The following EXOC6 variants were observed in gnomAD, a reference collection of about 807,000 sequenced individuals.
The protein encoded by EXOC6 is SEC15-like 1.
In EXOC6, 60 loss-of-function variants were observed where a neutral mutation model predicts 112.5. The ratio of observed to expected loss-of-function variants is 0.53; its 90% confidence interval spans 0.43 to 0.66. The LOEUF (loss-of-function observed/expected upper bound fraction) is 0.66. Among genes scored for constraint, EXOC6 ranks in the 30% least tolerant of loss-of-function variants. EXOC6 has a pLI of 0.00. For synonymous variants in EXOC6, 295 were observed against 308.0 expected (o/e 0.96, Z 0.44); for missense variants, 855 against 957.1 (o/e 0.89, Z 1.41).
intron 1 of EXOC6, among the ~76,000 whole-genome samples, chr10:92,869,847 A>G (rs930324557): frequency 2.6e-5 from 4 of 152,026 alleles, no homozygotes; most frequent in Non-Finnish European, 4.4e-5. Context: ...TAACAATCCA[A>G]TAATTGCAAT....
intron 20 of EXOC6, among the ~76,000 whole-genome samples, chr10:93,016,427 C>T (rs950034373): frequency 2.6e-5 from 4 of 152,064 alleles, no homozygotes; most frequent in Non-Finnish European, 4.4e-5. Context: ...AGGTATAAGC[C>T]ACAGCGCCCA....
At position 93,014,179 on chromosome 10, in the gene EXOC6, T is replaced by C. The variant is rs780741550; in HGVS notation, c.2096-15T>C. On this transcript the variant is annotated splice_polypyrimidine_tract_variant and intron_variant, in intron 19 of 21. Coordinates refer to ENST00000260762, the MANE Select transcript of EXOC6 (RefSeq NM_019053.6). ...TGATCTCATTTTTATTCTTTTTTTT[T>C]CTTTCTTTTAATAGTGTTTGCCAGC... 1.2e-6 allele frequency: 2 copies of C among 1,601,378 alleles called. No homozygotes were observed. The highest frequency in any genetic ancestry group is 8.5e-7 in the Non-Finnish European group (1 of 1,171,748).
At chr10:93,011,556 C>T (rs1844248622) in intron 19 of EXOC6, among the ~76,000 whole-genome samples, 1 of 151,736 alleles carries the variant, frequency 6.6e-6, no homozygotes, top group Admixed American at 6.6e-5. Flanking sequence ...GCCACCATGC[C>T]CAGCCAAAAA....
chr10:92,928,281 GTT>G (rs1851832299), intron 8 of EXOC6, 56 bp from the exon 9 acceptor site: 10 of 903,448 alleles, frequency 1.1e-5, no homozygotes, highest in Admixed American at 2.0e-5. Flanking sequence ...AGAAGTATCT[GTT>G]TTAGTTGTAT....
intron 5 of EXOC6, chr10:92,901,651 C>T (rs1589797301): frequency 2.1e-5 from 3 of 144,102 alleles, no homozygotes; most frequent in Admixed American, 1.4e-4. Context: ...GATCTGGAAG[C>T]AGCCATTCTC....
At chr10:92,870,432 G>A (rs949711918) in intron 1 of EXOC6, among the ~76,000 whole-genome samples, 2 of 152,030 alleles carry the variant, frequency 1.3e-5, no homozygotes, top group Non-Finnish European at 2.9e-5. Context: ...ATTTATTAAT[G>A]GATTTCCTAT....
chr10:93,054,711 G>T (rs1162906104), intron 20 of EXOC6, among the ~76,000 whole-genome samples: 2 of 152,138 alleles, frequency 1.3e-5, no homozygotes, highest in Non-Finnish European at 2.9e-5. Flanking sequence ...TTCCCACTTG[G>T]GGGTAAATCA....
At chr10:92,875,296 C>A (rs1848636103) in intron 1 of EXOC6, among the ~76,000 whole-genome samples, 1 of 152,096 alleles carries the variant, frequency 6.6e-6, no homozygotes, top group Non-Finnish European at 1.5e-5. Context: ...TCAAATATTA[C>A]CTATTATTGA....
intron 20 of EXOC6, among the ~76,000 whole-genome samples, chr10:93,037,260 C>T (rs1845555352): frequency 6.6e-6 from 1 of 151,656 alleles, no homozygotes; most frequent in Non-Finnish European, 1.5e-5. Flanking sequence ...CCACCTCAGC[C>T]TCCGGAGTAG....
At chr10:93,018,115 CT>C (rs929934814) in intron 20 of EXOC6, among the ~76,000 whole-genome samples, 10 of 151,950 alleles carry the variant, frequency 6.6e-5, no homozygotes, top group South Asian at 2.1e-4. Context: ...TCACACCCCC[CT>C]ATATGTAAAG....
chr10:93,047,391 C>T (rs1247240434), intron 20 of EXOC6, among the ~76,000 whole-genome samples: 1 of 151,948 alleles, frequency 6.6e-6, no homozygotes, highest in Non-Finnish European at 1.5e-5. Flanking sequence ...CAAAAATTAG[C>T]TGGGCATGGG....
At chr10:92,940,489 A>G (rs1852595157) in intron 12 of EXOC6, among the ~76,000 whole-genome samples, 1 of 152,144 alleles carries the variant, frequency 6.6e-6, no homozygotes, top group African/African-American at 2.4e-5. Flanking sequence ...AATCATTACT[A>G]AAAAGAGAGA....
chr10:92,985,514 C>T (rs929140977), intron 18 of EXOC6, among the ~76,000 whole-genome samples: 10 of 152,040 alleles, frequency 6.6e-5, no homozygotes, highest in African/African-American at 1.4e-4. Context: ...TTATTTTACT[C>T]GTATCTCAGG....
chr10:92,903,373 A>T (rs962120618), intron 5 of EXOC6, among the ~76,000 whole-genome samples: 48 of 145,954 alleles, frequency 3.3e-4, no homozygotes, highest in Non-Finnish European at 5.8e-4. Context: ...GAATAAACAA[A>T]TTTTTTTTTT....
chr10:93,053,929 A>G (rs1243570517), intron 20 of EXOC6, among the ~76,000 whole-genome samples: 3 of 152,232 alleles, frequency 2.0e-5, no homozygotes, highest in East Asian at 3.8e-4. Context: ...CTCTCTGCCC[A>G]TGTCCATGTG....
At chr10:92,886,609 G>C (rs548916281) in intron 1 of EXOC6, among the ~76,000 whole-genome samples, 1 of 152,342 alleles carries the variant, frequency 6.6e-6, no homozygotes, top group South Asian at 2.1e-4. Flanking sequence ...TTTGGAGTCA[G>C]GTAGACCTGG....
chr10:92,887,748 G>C (rs1188302023), intron 1 of EXOC6, among the ~76,000 whole-genome samples: 1 of 152,112 alleles, frequency 6.6e-6, no homozygotes, highest in Admixed American at 6.5e-5. Context: ...TTTTAGATTT[G>C]TGCTGCATTT....
chr10:92,931,115 G>GAAAAAAAAAAAAAAAA (rs60087746), intron 9 of EXOC6, among the ~76,000 whole-genome samples: 1 of 70,602 alleles, frequency 1.4e-5, no homozygotes, highest in Non-Finnish European at 2.7e-5. Flanking sequence ...CATCTCAGAA[G>GAAAAAAAAAAAAAAAA]AAAAAAAAAA....
At chr10:92,920,859 A>AT (rs1421474287) in intron 8 of EXOC6, among the ~76,000 whole-genome samples, 2 of 152,012 alleles carry the variant, frequency 1.3e-5, no homozygotes, top group Non-Finnish European at 2.9e-5. Context: ...TCTTCATAAT[A>AT]TTTTTTGTCT....
Sources: gnomAD v4.1 joint callset for allele counts (sites outside exome capture counted in the v4.1 genomes callset) on GRCh38, gnomAD v4.1.1 for gene constraint, MANE v1.5 for transcripts, NCBI Gene and HGNC (gene_info 2026-07-23, HGNC 2026-07-21) for gene names.